Variants in MARCHF10 observed in about 807,000 individuals in gnomAD.
MARCHF10 encodes membrane associated ring-CH-type finger 10.
Under a neutral mutation model 76.2 loss-of-function variants are expected in MARCHF10, and 64 were observed. That is an observed-to-expected ratio of 0.84 (90% CI 0.69 to 1.03). MARCHF10 has a LOEUF of 1.03. Ranked by LOEUF, MARCHF10 falls within the 50% of genes least tolerant of loss-of-function variation. The pLI is 0.00. For synonymous variants in MARCHF10, 340 were observed against 357.5 expected (o/e 0.95, Z 0.55); for missense variants, 875 against 958.0 (o/e 0.91, Z 1.14).
At chr17:62,778,401 T>C (rs1290830143) in intron 3 of MARCHF10, among the ~76,000 whole-genome samples, 1 of 152,146 alleles carries the variant, frequency 6.6e-6, no homozygotes, top group African/African-American at 2.4e-5. Context: ...ATCTCTCTTA[T>C]AGCAGCCTGG....
At chr17:62,764,489 G>C (rs1011838462) in intron 3 of MARCHF10, among the ~76,000 whole-genome samples, 2 of 152,194 alleles carry the variant, frequency 1.3e-5, no homozygotes, top group African/African-American at 4.8e-5. Flanking sequence ...AGACTGTGTT[G>C]AGTACATTTG....
chr17:62,771,890 C>T (rs1310721697), intron 3 of MARCHF10, among the ~76,000 whole-genome samples: 4 of 152,134 alleles, frequency 2.6e-5, no homozygotes. Context: ...TTGTCAATAT[C>T]TCTCTACCTG....
Position 62,702,864 on chromosome 17 carries a change from C to T in MARCHF10, c.2372-1106G>A, listed in dbSNP as rs149770003. 9.6e-3 allele frequency among the ~76,000 whole-genome samples: 1,468 copies of T among 152,240 alleles called. 33 individuals are homozygous for T. Among genetic ancestry groups the T allele is most frequent in the African/African-American group, 0.033 (1,376 of 41,532 alleles). ...TCCATCCTGCGCTTTCTCCAAAAGC[C>T]AGTAGCCTTGACTGGGTGTTTGGGG... On this transcript the variant is annotated intron_variant, in intron 10 of 10. Coordinates refer to ENST00000311269, the MANE Select transcript of MARCHF10 (RefSeq NM_152598.4).
rs771290870 is a variant in MARCHF10 at position 62,746,815 on chromosome 17, G to C, written c.383-2287C>G. 1.5e-5 allele frequency: 18 copies of C among 1,236,932 alleles called. No individual in the cohort carries two copies. In the African/African-American group the frequency reaches 2.7e-4, roughly 19 times the overall value. The allele number at this position is 1,236,932 out of a possible 1,614,324, so 76.6% of individuals were successfully genotyped here. A position where few individuals can be genotyped will look rare whatever the true frequency, so the allele number is the denominator to read the frequency against. ...TCAAAGTTCCCACGCACCCCAGGCA[G>C]CAGAACTTCACACTGCCCAGAGGCC... On this transcript the variant is annotated intron_variant, in intron 4 of 10. Transcript: ENST00000311269.
chr17:62,704,945 C>CT, intron 10 of MARCHF10: 3 of 856,832 alleles, frequency 3.5e-6, no homozygotes, highest in Non-Finnish European at 4.1e-6. Context: ...TTTCTCCAGT[C>CT]GTTTTTTTTT....
In MARCHF10 at chr17:62,736,223, A is replaced by T. The variant is rs770786104; in HGVS notation, c.1645T>A (p.Leu549Ile). The stretch of plus-strand genomic sequence containing the variant: ...GGAGCCCCCTGAGGCTGGCTTGTTA[A>T]AGTAGTATCTTCTGCTTCCCTGACA... Reference protein sequence around the residue: ...FAVREAEDTTLTSQPQGAPLY... With the variant: ...FAVREAEDTTITSQPQGAPLY... The change falls in exon 6 of 11, where the codon TTA becomes ATA. Residue 549 changes from leucine to isoleucine, a missense_variant. Transcript: ENST00000311269. 1.9e-6 allele frequency: 3 copies of T among 1,614,096 alleles called. No individual in the cohort carries two copies. The African/African-American group carries it at 4.0e-5, about 22-fold the overall frequency.
intron 1 of MARCHF10, among the ~76,000 whole-genome samples, chr17:62,803,929 T>C (rs540116227): frequency 2.6e-5 from 4 of 152,314 alleles, no homozygotes; most frequent in African/African-American, 7.2e-5. Context: ...TAGATCTCTA[T>C]TTCGCAGGTG....
intron 3 of MARCHF10, among the ~76,000 whole-genome samples, chr17:62,775,181 A>G (rs1388454325): frequency 7.0e-6 from 1 of 143,126 alleles, no homozygotes; most frequent in Non-Finnish European, 1.5e-5. Flanking sequence ...GCTGGAGTGC[A>G]GTGGTGTGAT....
intron 3 of MARCHF10, among the ~76,000 whole-genome samples, chr17:62,782,342 G>GTTTTTTTTTTTT (rs1386514618): frequency 9.0e-6 from 1 of 111,656 alleles, no homozygotes; most frequent in Non-Finnish European, 1.7e-5. Flanking sequence ...GCAAACAACT[G>GTTTTTTTTTTTT]TTCTTTTTTT....
intron 5 of MARCHF10, among the ~76,000 whole-genome samples, chr17:62,739,932 A>C (rs1275412896): frequency 2.6e-5 from 4 of 152,182 alleles, no homozygotes; most frequent in African/African-American, 7.2e-5. Flanking sequence ...GGACAGAAGA[A>C]GTCCCAGGGT....
At chr17:62,713,248 T>C (rs1434194658) in intron 8 of MARCHF10, among the ~76,000 whole-genome samples, 1 of 152,220 alleles carries the variant, frequency 6.6e-6, no homozygotes, top group Non-Finnish European at 1.5e-5. Context: ...ACCAGTGCTC[T>C]TTGCCAGCCA....
intron 6 of MARCHF10, among the ~76,000 whole-genome samples, chr17:62,730,666 C>T (rs868456384): frequency 3.9e-5 from 6 of 152,042 alleles, no homozygotes; most frequent in African/African-American, 4.8e-5. Context: ...GAGGCTGAGG[C>T]GGGTGGATCA....
chr17:62,804,661 T>C (rs2093134602), intron 1 of MARCHF10, among the ~76,000 whole-genome samples: 1 of 152,180 alleles, frequency 6.6e-6, no homozygotes, highest in African/African-American at 2.4e-5. Flanking sequence ...TTGACTGGCA[T>C]GGCCCAAATT....
At chr17:62,725,163 T>C (rs1219974536) in intron 6 of MARCHF10, 59 bp from the exon 7 acceptor site, 7 of 1,470,676 alleles carry the variant, frequency 4.8e-6, no homozygotes, top group Non-Finnish European at 6.3e-6. Flanking sequence ...TTTCTACAAA[T>C]ACCAGTTCCC....
chr17:62,761,641 C>T (rs573664106), intron 3 of MARCHF10, among the ~76,000 whole-genome samples: 11 of 152,200 alleles, frequency 7.2e-5, no homozygotes, highest in African/African-American at 2.4e-4. Flanking sequence ...AGGCTGGTCT[C>T]GAACTCCTGA....
At position 62,714,668 on chromosome 17, in the gene MARCHF10, C is replaced by T. The variant is rs143591376; in HGVS notation, c.2215-3324G>A. Among the ~76,000 whole-genome samples, 6 of 152,282 alleles carry T rather than the reference C, an allele frequency of 3.9e-5. No homozygotes were observed. In the East Asian group the frequency reaches 1.2e-3, roughly 29 times the overall value. ...CAGCCACAACTTTTGAATCTAGTGG[C>T]TCCAGGTTTAACATGCATCAGAAAT... On this transcript the variant is annotated intron_variant, in intron 8 of 10. Transcript: ENST00000311269.
chr17:62,724,563 C>T (rs933602950), intron 7 of MARCHF10, among the ~76,000 whole-genome samples: 8 of 152,120 alleles, frequency 5.3e-5, no homozygotes, highest in Non-Finnish European at 7.4e-5. Flanking sequence ...TAGCTGGGCA[C>T]GGCTACTGTG....
chr17:62,789,728 A>G (rs977089646), intron 2 of MARCHF10, among the ~76,000 whole-genome samples: 1 of 152,152 alleles, frequency 6.6e-6, no homozygotes, highest in African/African-American at 2.4e-5. Flanking sequence ...ACTTGATGCC[A>G]AGAGTTCGAG....
At chr17:62,790,911 G>A (rs2092830989) in intron 2 of MARCHF10, among the ~76,000 whole-genome samples, 1 of 152,226 alleles carries the variant, frequency 6.6e-6, no homozygotes, top group Admixed American at 6.5e-5. Context: ...TGCAGGAAGT[G>A]GAATCCTAGA....
Sources: allele counts gnomAD v4.1 joint callset (sites outside exome capture counted in the v4.1 genomes callset), GRCh38; gene constraint gnomAD v4.1.1; transcripts MANE v1.5; gene names NCBI Gene and HGNC (gene_info 2026-07-23, HGNC 2026-07-21).